Variants in FRMD3 observed in about 807,000 individuals in gnomAD.
FRMD3 encodes the protein FERM domain containing 3.
FRMD3 carries 33 observed loss-of-function variants against 70.2 expected under a neutral mutation model. That is an observed-to-expected ratio of 0.47 (90% CI 0.36 to 0.63). The LOEUF (loss-of-function observed/expected upper bound fraction) is 0.63. Among genes scored for constraint, FRMD3 ranks in the 20% least tolerant of loss-of-function variants. FRMD3 has a pLI of 0.00. For missense variants in FRMD3, 632 were observed against 711.4 expected (o/e 0.89, Z 1.27); for synonymous variants, 279 against 255.9 (o/e 1.09, Z -0.86).
rs4877754 is a variant in FRMD3 at position 83,321,403 on chromosome 9, G to T, written c.597-7656C>A. On this transcript the variant is annotated intron_variant, in intron 6 of 13. Transcript: ENST00000304195. ...TTTTCATTTTCATTAATTTCAAAAA[G>T]TTTTTAAATTTGTCTTAATTTCCTT... 3.8e-4 allele frequency among the ~76,000 whole-genome samples: 57 copies of T among 151,952 alleles called. No individual in the cohort carries two copies. The South Asian group carries it at 0.011, about 30-fold the overall frequency.
intron 4 of FRMD3, among the ~76,000 whole-genome samples, chr9:83,344,072 G>A (rs1564025796): frequency 6.6e-6 from 1 of 152,246 alleles, no homozygotes; most frequent in Non-Finnish European, 1.5e-5. Flanking sequence ...AGAGCAGTGT[G>A]CCAGGTTGCA....
At chr9:83,376,852 A>T (rs1825162927) in intron 2 of FRMD3, among the ~76,000 whole-genome samples, 1 of 152,176 alleles carries the variant, frequency 6.6e-6, no homozygotes, top group South Asian at 2.1e-4. Flanking sequence ...CTGTGATAAT[A>T]GGCAAGTACC....
downstream of FRMD3, among the ~76,000 whole-genome samples, chr9:83,243,796 C>G (rs953703719): frequency 3.3e-5 from 5 of 152,090 alleles, no homozygotes; most frequent in Admixed American, 3.3e-4. Flanking sequence ...CTCCCCTACC[C>G]CTTTTGTTTC....
intron 10 of FRMD3, 94 bp downstream of exon 10, chr9:83,309,442 T>C: frequency 4.3e-6 from 3 of 701,888 alleles, no homozygotes; most frequent in Non-Finnish European, 4.8e-6. Flanking sequence ...TTTAAAACTG[T>C]ATTAAAAGAA....
chr9:83,541,709 G>GC (rs1008566417), upstream of FRMD3, among the ~76,000 whole-genome samples: 2 of 152,162 alleles, frequency 1.3e-5, no homozygotes, highest in African/African-American at 4.8e-5. Flanking sequence ...AACCCTCAGT[G>GC]CCAGGGAGGG....
At position 83,538,206 on chromosome 9, in the gene FRMD3, G is replaced by C. The variant is rs200662905; in HGVS notation, c.26C>G (p.Pro9Arg). The change falls in exon 1 of 14, where the codon CCG becomes CGG. Residue 9 changes from proline to arginine, a missense_variant. Coordinates refer to ENST00000304195, the MANE Select transcript of FRMD3 (RefSeq NM_174938.6). The surrounding 1 kb of genome is among the most constrained non-coding windows in gnomAD (Gnocchi z 4.7). MFASCHCVPRGRRTMKMIH... is the reference protein window; with the variant it reads MFASCHCVRRGRRTMKMIH... Reference sequence around the variant, plus strand: ...CATTTTCATGGTCCTCCTGCCTCTCGGCACACAGTGGCAGGAGGCGAACAT... The same window carrying C: ...CATTTTCATGGTCCTCCTGCCTCTCCGCACACAGTGGCAGGAGGCGAACAT... The C allele has an allele frequency of 9.1e-4, 1,440 of 1,586,836 alleles. 16 individuals carry two copies. The South Asian group carries it at 0.015, about 17-fold the overall frequency.
intron 3 of FRMD3, among the ~76,000 whole-genome samples, chr9:83,351,172 C>T (rs369619190): frequency 6.6e-6 from 1 of 152,050 alleles, no homozygotes; most frequent in African/African-American, 2.4e-5. Flanking sequence ...GAATCCTTTA[C>T]ATAAGAAGAG....
intron 1 of FRMD3, among the ~76,000 whole-genome samples, chr9:83,438,827 C>T (rs148173218): frequency 1.3e-5 from 2 of 152,192 alleles, no homozygotes; most frequent in Admixed American, 6.5e-5. Flanking sequence ...GTGTTCTGTG[C>T]GTCCTACAGC....
intron 4 of FRMD3, 120 bp from the exon 5 acceptor site, chr9:83,343,407 A>C (rs540097451): frequency 1.5e-6 from 1 of 673,324 alleles, no homozygotes; most frequent in Admixed American, 2.4e-5. Context: ...AGACTGGCTT[A>C]GACATGCCCA....
intron 1 of FRMD3, among the ~76,000 whole-genome samples, chr9:83,480,622 G>A (rs995855183): frequency 6.6e-6 from 1 of 151,604 alleles, no homozygotes; most frequent in East Asian, 1.9e-4. Flanking sequence ...CAGACTCCCA[G>A]GTAGCTGGGA....
chr9:83,460,946 A>T (rs1827952644), intron 1 of FRMD3, among the ~76,000 whole-genome samples: 3 of 152,052 alleles, frequency 2.0e-5, no homozygotes, highest in African/African-American at 7.2e-5. Context: ...GCAGGAAAAA[A>T]AAAAACAGCC....
the FRMD3 span, among the ~76,000 whole-genome samples, chr9:83,584,361 T>TCTC: frequency 2.2e-4 from 33 of 151,658 alleles, no homozygotes; most frequent in South Asian, 4.2e-4. Context: ...CCCCCGATTA[T>TCTC]CTCCTCCTCC....
At chr9:83,331,118 T>C (rs778383245) in intron 6 of FRMD3, among the ~76,000 whole-genome samples, 4 of 152,160 alleles carry the variant, frequency 2.6e-5, no homozygotes, top group Admixed American at 6.5e-5. Context: ...CCCAAATGAG[T>C]TGAAAACTTA....
At chr9:83,329,542 A>G (rs1836162889) in intron 6 of FRMD3, among the ~76,000 whole-genome samples, 1 of 152,224 alleles carries the variant, frequency 6.6e-6, no homozygotes, top group Non-Finnish European at 1.5e-5. Flanking sequence ...AGAAACCTAG[A>G]CGTTTTTAAA....
At chr9:83,523,694 C>T (rs1829629009) in intron 1 of FRMD3, among the ~76,000 whole-genome samples, 1 of 152,232 alleles carries the variant, frequency 6.6e-6, no homozygotes, top group Admixed American at 6.5e-5. Context: ...TTACTATTCT[C>T]AAATTACCAC....
chr9:83,482,921 G>A (rs1156466879), intron 1 of FRMD3, among the ~76,000 whole-genome samples: 1 of 152,216 alleles, frequency 6.6e-6, no homozygotes, highest in Admixed American at 6.5e-5. Flanking sequence ...AAGGTGGCAG[G>A]AAGGTATGAT....
chr9:83,447,313 G>A (rs539242753), intron 1 of FRMD3, among the ~76,000 whole-genome samples: 5 of 152,260 alleles, frequency 3.3e-5, no homozygotes, highest in Admixed American at 6.5e-5. Context: ...GTGAGCCACC[G>A]CGCCCGGCCA....
At chr9:83,355,386 T>A (rs1468152680) in intron 3 of FRMD3, among the ~76,000 whole-genome samples, 1 of 152,174 alleles carries the variant, frequency 6.6e-6, no homozygotes. Flanking sequence ...CTGGGCAGCA[T>A]GGTCACCCCA....
intron 2 of FRMD3, among the ~76,000 whole-genome samples, chr9:83,377,910 A>C (rs536031960): frequency 1.3e-5 from 2 of 152,332 alleles, no homozygotes; most frequent in African/African-American, 4.8e-5. Context: ...ATGAAAGTAG[A>C]TTTCATGTAA....
Sources: gnomAD v4.1 joint callset for allele counts (sites outside exome capture counted in the v4.1 genomes callset) on GRCh38, gnomAD v4.1.1 for gene constraint, Gnocchi (gnomAD v3.1) non-coding constraint, MANE v1.5 for transcripts, NCBI Gene and HGNC (gene_info 2026-07-23, HGNC 2026-07-21) for gene names.